Variants in ANKRD6 observed in about 807,000 individuals in gnomAD.
ANKRD6 encodes ankyrin repeat domain 6, also known as ankyrin repeat domain-containing protein 6.
A neutral mutation model predicts 82.3 loss-of-function variants in ANKRD6; 56 were observed. The ratio of observed to expected loss-of-function variants is 0.68; its 90% CI spans 0.55 to 0.85. The LOEUF is 0.85. Ranked by LOEUF, ANKRD6 falls within the 40% of genes least tolerant of loss-of-function variation. The pLI, the probability that ANKRD6 is intolerant of heterozygous loss-of-function variation, is 0.00. For missense variants in ANKRD6, 852 were observed against 907.6 expected (o/e 0.94, Z 0.79); for synonymous variants, 347 against 352.1 (o/e 0.99, Z 0.16).
chr6:89,441,243 C>T (rs1028587509), intron 1 of ANKRD6, among the ~76,000 whole-genome samples: 11 of 151,998 alleles, frequency 7.2e-5, no homozygotes, highest in African/African-American at 1.5e-4. Flanking sequence ...CTCTGCCTCC[C>T]GGGTTCAGGT....
chr6:89,450,402 C>A (rs552658529), intron 1 of ANKRD6, among the ~76,000 whole-genome samples: 1 of 152,288 alleles, frequency 6.6e-6, no homozygotes, highest in South Asian at 2.1e-4. Flanking sequence ...CAACAACGAT[C>A]ACCCTGATCA....
At chr6:89,438,776 A>G (rs553485815) in intron 1 of ANKRD6, among the ~76,000 whole-genome samples, 22 of 152,116 alleles carry the variant, frequency 1.4e-4, no homozygotes, top group Non-Finnish European at 2.8e-4. Context: ...CTGAGTAGCT[A>G]GGATTACAGG....
intron 13 of ANKRD6, among the ~76,000 whole-genome samples, chr6:89,625,594 C>A (rs1458917066): frequency 6.6e-6 from 1 of 152,108 alleles, no homozygotes; most frequent in Admixed American, 6.5e-5. Flanking sequence ...ACTGTCCTGA[C>A]AGGGCATCTC....
At chr6:89,519,471 G>T (rs73752766) in intron 1 of ANKRD6, among the ~76,000 whole-genome samples, 11,277 of 152,246 alleles carry the variant, frequency 0.074, 536 homozygotes, top group Middle Eastern at 0.16. Context: ...TTTCAAGATC[G>T]ATTCCAAGTT....
chr6:89,511,013 A>G (rs1780484283), intron 1 of ANKRD6, among the ~76,000 whole-genome samples: 1 of 152,218 alleles, frequency 6.6e-6, no homozygotes, highest in South Asian at 2.1e-4. Context: ...CTCTTCATCC[A>G]GAGACTTCTG....
chr6:89,475,021 T>G (rs920171452), intron 1 of ANKRD6, among the ~76,000 whole-genome samples: 1 of 152,252 alleles, frequency 6.6e-6, no homozygotes, highest in Non-Finnish European at 1.5e-5. Flanking sequence ...TTAACTTATA[T>G]TCTTGTATTC....
chr6:89,522,766 C>A (rs954884903), intron 1 of ANKRD6, among the ~76,000 whole-genome samples: 2 of 152,148 alleles, frequency 1.3e-5, no homozygotes, highest in African/African-American at 4.8e-5. Context: ...GAATTTGTTT[C>A]TTTTCTTCCA....
chr6:89,554,896 A>C (rs1438585016), intron 1 of ANKRD6, among the ~76,000 whole-genome samples: 1 of 152,162 alleles, frequency 6.6e-6, no homozygotes, highest in Non-Finnish European at 1.5e-5. Flanking sequence ...TTGTTCTCAA[A>C]AGTAAAGGAA....
Position 89,603,120 on chromosome 6 carries a change from A to G in ANKRD6, c.311A>G (p.Gln104Arg), listed in dbSNP as rs937950055. The G allele has an allele frequency of 3.1e-6, 5 of 1,601,898 alleles. No homozygotes were observed. Among genetic ancestry groups the G allele is most frequent in the Non-Finnish European group, 4.3e-6 (5 of 1,174,802 alleles). ...LIHEGCALDR[Q>R]DKDGNTALHE... ...CACGAAGGGTGTGCCCTGGACAGAC[A>G]AGACAAGGTGAGTGGACACTGAGCT... Residue 104 changes from glutamine (Q) to arginine (R), a missense_variant, in exon 4 of 16, where the codon CAA (glutamine) becomes CGA (arginine). Gln to Arg is a conservative substitution (Grantham distance 43). Coordinates refer to ENST00000339746, the MANE Select transcript of ANKRD6 (RefSeq NM_001242809.2).
At chr6:89,496,991 T>TC (rs1472613747) in intron 1 of ANKRD6, among the ~76,000 whole-genome samples, 1 of 152,192 alleles carries the variant, frequency 6.6e-6, no homozygotes, top group Non-Finnish European at 1.5e-5. Context: ...AAACAGAATG[T>TC]CCCCTGCTCT....
chr6:89,502,241 A>G (rs933043005), intron 1 of ANKRD6, among the ~76,000 whole-genome samples: 1 of 152,228 alleles, frequency 6.6e-6, no homozygotes, highest in African/African-American at 2.4e-5. Flanking sequence ...TTTCAGGTAT[A>G]TAGTTATTTC....
intron 15 of ANKRD6, 113 bp downstream of exon 15, chr6:89,629,351 G>A (rs1806786110): frequency 6.8e-7 from 1 of 1,463,104 alleles, no homozygotes; most frequent in African/African-American, 1.4e-5. Context: ...ACACTGGATG[G>A]TAAAGTGCAC....
intron 1 of ANKRD6, among the ~76,000 whole-genome samples, chr6:89,548,269 A>G (rs1562783852): frequency 6.6e-6 from 1 of 152,218 alleles, no homozygotes. Context: ...ATTTCATATA[A>G]ATAGAAGCAT....
At chr6:89,540,768 T>C (rs775007761) in intron 1 of ANKRD6, among the ~76,000 whole-genome samples, 34 of 152,326 alleles carry the variant, frequency 2.2e-4, no homozygotes, top group Non-Finnish European at 4.3e-4. Flanking sequence ...CGGTATTAGA[T>C]TTAAGTCTTT....
intron 1 of ANKRD6, among the ~76,000 whole-genome samples, chr6:89,434,476 C>T (rs566347079): frequency 6.6e-6 from 1 of 152,122 alleles, no homozygotes; most frequent in Admixed American, 6.6e-5. Context: ...CAATAGCAGC[C>T]TTGGCGGGGT....
intron 1 of ANKRD6, among the ~76,000 whole-genome samples, chr6:89,515,283 T>C (rs1375861455): frequency 6.6e-6 from 1 of 152,204 alleles, no homozygotes; most frequent in Non-Finnish European, 1.5e-5. Flanking sequence ...TCTACCTTTG[T>C]GTTCCCTAAA....
Position 89,629,256 on chromosome 6 carries a change from A to C in ANKRD6, c.1612+18A>C, listed in dbSNP as rs1806743088. 1 of 1,613,702 alleles carries C rather than the reference A, an allele frequency of 6.2e-7. No individual in the cohort carries two copies. Among genetic ancestry groups the C allele is most frequent in the South Asian group, 1.1e-5 (1 of 91,046 alleles). On this transcript the variant is annotated intron_variant, in intron 15 of 15. Coordinates refer to ENST00000339746, the MANE Select transcript of ANKRD6 (RefSeq NM_001242809.2). ...CTCTACAGGTAACCCACACACAGAGAGCCCTTTTGTCCAAAAGGAACACGA... is the reference window on the plus strand; with the variant it reads ...CTCTACAGGTAACCCACACACAGAGCGCCCTTTTGTCCAAAAGGAACACGA...
At chr6:89,581,435 A>G (rs1268800729) in intron 2 of ANKRD6, 2 of 152,200 alleles carry the variant, frequency 1.3e-5, no homozygotes, top group African/African-American at 4.8e-5. Context: ...GAGGAGCCCA[A>G]TGGGACTGAC....
At position 89,459,634 on chromosome 6, in the gene ANKRD6, G is replaced by A. The variant is rs536118331; in HGVS notation, c.-144+26259G>A. Among the ~76,000 whole-genome samples the A allele has an allele frequency of 2.6e-5, 4 of 152,266 alleles. No homozygotes were observed. In the South Asian group the frequency reaches 8.3e-4, roughly 32 times the overall value. On this transcript the variant is annotated intron_variant, in intron 1 of 15. Coordinates refer to ENST00000339746, the MANE Select transcript of ANKRD6 (RefSeq NM_001242809.2). Reference sequence around the variant, plus strand: ...CCTGCTTCAGATTCCTGAGTAGCTAGAACTATACAGGTGTGTGCCACCATG... The same window carrying A: ...CCTGCTTCAGATTCCTGAGTAGCTAAAACTATACAGGTGTGTGCCACCATG...
Sources: gnomAD v4.1 joint callset for allele counts (sites outside exome capture counted in the v4.1 genomes callset) on GRCh38, gnomAD v4.1.1 for gene constraint, MANE v1.5 for transcripts, NCBI Gene and HGNC (gene_info 2026-07-23, HGNC 2026-07-21) for gene names.